ADAM10: variants seen among roughly 807,000 people sequenced by gnomAD.
The protein encoded by ADAM10 is ADAM metallopeptidase domain 10.
A neutral mutation model predicts 90.1 loss-of-function variants in ADAM10; 17 were observed. That is an observed-to-expected ratio of 0.19 (90% CI 0.13 to 0.28). The LOEUF (loss-of-function observed/expected upper bound fraction) is 0.28, where lower values mean the gene tolerates loss of function less well. ADAM10 is among the 10% of genes least tolerant of loss of function. ADAM10 has a pLI of 1.00. For synonymous variants in ADAM10, 310 were observed against 298.6 expected, an observed-to-expected ratio of 1.04 and a Z score of -0.40; for missense variants, 610 against 914.3, an observed-to-expected ratio of 0.67 and a Z score of 4.29.
intron 1 of ADAM10, among the ~76,000 whole-genome samples, chr15:58,739,669 G>A (rs191985112): frequency 1.6e-4 from 24 of 152,206 alleles, no homozygotes; most frequent in African/African-American, 5.5e-4. Flanking sequence ...TGTCCTCTCC[G>A]TTATGCTAGA....
chr15:58,727,492 G>C (rs1352692506), intron 1 of ADAM10, among the ~76,000 whole-genome samples: 1 of 151,994 alleles, frequency 6.6e-6, no homozygotes, highest in African/African-American at 2.4e-5. Flanking sequence ...CGCCCAGCCT[G>C]GCTAATCTTT....
chr15:58,643,972 T>C lies in ADAM10; in HGVS notation c.742A>G (p.Ser248Gly), dbSNP rs763409551. 8 of 1,602,768 alleles carry C rather than the reference T, an allele frequency of 5.0e-6. No individual in the cohort carries two copies. Among genetic ancestry groups the C allele is most frequent in the Non-Finnish European group, 6.8e-6 (8 of 1,169,732 alleles). ...TREAVIAQIS[S>G]HVKAIDTIYQ... ...ATTGTATCAATCGCTTTAACATGACTGGATATCTATGATTTAAAAAAAAGA... is the reference window on the plus strand; with the variant it reads ...ATTGTATCAATCGCTTTAACATGACCGGATATCTATGATTTAAAAAAAAGA... Residue 248 changes from serine to glycine, a missense_variant, in exon 7 of 16, where the codon AGT becomes GGT. Around this residue, in one of 4 missense-constraint regions of ADAM10, gnomAD observed 310 missense variants for 362.4 expected, o/e 0.86. Coordinates refer to ENST00000260408, the MANE Select transcript of ADAM10 (RefSeq NM_001110.4).
intron 1 of ADAM10, among the ~76,000 whole-genome samples, chr15:58,736,569 T>C (rs1034484838): frequency 2.0e-5 from 3 of 152,100 alleles, no homozygotes; most frequent in Admixed American, 6.6e-5. Context: ...TACTGAAGTA[T>C]TTAGAGTACA....
rs1566982335 is a variant in ADAM10, at chr15:58,655,710, A to ATATATAGTGTGT, written c.585+9386_585+9387insACACACTATATA. ...TATTATATATAGTATATATATATATAGTATATATATATATATATATATATA... is the reference window on the plus strand; with the variant it reads ...TATTATATATAGTATATATATATATATATATAGTGTGTGTATATATATATATATATATATATA... On this transcript the variant is annotated intron_variant, in intron 5 of 15. Coordinates refer to ENST00000260408, the MANE Select transcript of ADAM10 (RefSeq NM_001110.4). Among the ~76,000 whole-genome samples the ATATATAGTGTGT allele has an allele frequency of 3.2e-4, 14 of 44,204 alleles. 2 individuals are homozygous for ATATATAGTGTGT. Among genetic ancestry groups the ATATATAGTGTGT allele is most frequent in the Admixed American group, 1.7e-3 (5 of 3,026 alleles). The allele number at this position is 44,204 out of a possible 152,430, so 29.0% of individuals were successfully genotyped here. A position where few individuals can be genotyped will look rare whatever the true frequency, so the allele number is the denominator to read the frequency against.
chr15:58,599,529 T>A lies in ADAM10; in HGVS notation c.2152+69A>T. The A allele has an allele frequency of 2.6e-6, 4 of 1,540,742 alleles. No homozygotes were observed. The South Asian group carries it at 4.5e-5, about 17-fold the overall frequency. On this transcript the variant is annotated intron_variant, in intron 15 of 15. Transcript: ENST00000260408. ...TAACATTAGTTACTACAGACTCATT[T>A]ATAATTCAATTCTACCTGCTAAACA...
chr15:58,610,253 T>G, intron 14 of ADAM10, 44 bp downstream of exon 14: 1 of 1,562,792 alleles, frequency 6.4e-7, no homozygotes, highest in Middle Eastern at 1.7e-4. Context: ...AAAATTAAGA[T>G]CAAACCACTT....
intron 11 of ADAM10, among the ~76,000 whole-genome samples, chr15:58,620,701 G>A (rs1242186762): frequency 3.0e-5 from 1 of 33,140 alleles, no homozygotes; most frequent in Non-Finnish European, 4.0e-5. Flanking sequence ...TCGCTCTGTC[G>A]CCCAGGCCGG....
At chr15:58,743,039 C>A (rs1479320336) in intron 1 of ADAM10, among the ~76,000 whole-genome samples, 11 of 152,072 alleles carry the variant, frequency 7.2e-5, no homozygotes, top group African/African-American at 2.4e-4. Flanking sequence ...ACCTGGGCAA[C>A]AGAAAGAGAC....
chr15:58,598,586 C>A (rs1187702220), intron 15 of ADAM10, among the ~76,000 whole-genome samples: 1 of 152,200 alleles, frequency 6.6e-6, no homozygotes, highest in East Asian at 1.9e-4. Context: ...TTGCCTGAGG[C>A]AAGACATCTT....
At chr15:58,721,153 G>A (rs1291094227) in intron 1 of ADAM10, among the ~76,000 whole-genome samples, 1 of 152,192 alleles carries the variant, frequency 6.6e-6, no homozygotes, top group Non-Finnish European at 1.5e-5. Context: ...TCTACTGGGA[G>A]AGTTATTAAA....
At chr15:58,654,949 G>GA (rs1187414195) in intron 5 of ADAM10, among the ~76,000 whole-genome samples, 1 of 152,086 alleles carries the variant, frequency 6.6e-6, no homozygotes, top group African/African-American at 2.4e-5. Context: ...GTGCTGAGGA[G>GA]AAAAAAATGT....
intron 5 of ADAM10, among the ~76,000 whole-genome samples, chr15:58,649,243 CA>C (rs1185888168): frequency 6.6e-6 from 1 of 152,090 alleles, no homozygotes; most frequent in Non-Finnish European, 1.5e-5. Flanking sequence ...TTACCAAAAT[CA>C]AATATAAATT....
At chr15:58,618,828 A>G (rs1385406794) in intron 11 of ADAM10, among the ~76,000 whole-genome samples, 1 of 152,206 alleles carries the variant, frequency 6.6e-6, no homozygotes, top group Non-Finnish European at 1.5e-5. Flanking sequence ...AAAAATGACC[A>G]TTATCAAAAT....
intron 5 of ADAM10, among the ~76,000 whole-genome samples, chr15:58,651,266 C>A (rs985267502): frequency 1.3e-5 from 2 of 152,118 alleles, no homozygotes; most frequent in African/African-American, 4.8e-5. Context: ...TACAATTACA[C>A]TCTTTTAGTT....
intron 11 of ADAM10, among the ~76,000 whole-genome samples, chr15:58,615,704 T>G (rs1895588491): frequency 6.6e-6 from 1 of 152,138 alleles, no homozygotes; most frequent in Non-Finnish European, 1.5e-5. Context: ...AAACAGATTT[T>G]AAGTCAAAAA....
chr15:58,639,075 G>A (rs1049073196), intron 8 of ADAM10, among the ~76,000 whole-genome samples: 17 of 147,842 alleles, frequency 1.1e-4, no homozygotes, highest in African/African-American at 4.2e-4. Context: ...AATGCAAAAT[G>A]GCAGAAAGTT....
chr15:58,599,682 T>G lies in ADAM10; in HGVS notation c.2068A>C (p.Met690Leu), dbSNP rs1275717638. Residue 690 changes from methionine (M) to leucine (L), a missense_variant, in exon 15 of 16, where the codon ATG becomes CTG. By Grantham distance (15) the Met-to-Leu change is conservative (BLOSUM62 2). Coordinates refer to ENST00000260408, the MANE Select transcript of ADAM10 (RefSeq NM_001110.4). ...ATCTTAATAAATCCAGCCATTAGCA[T>G]GATCAGAGCAATTCCCATAAGTAAT... ...AVLLMGIALI[M>L]LMAGFIKICS... The G allele has an allele frequency of 3.7e-6, 6 of 1,613,306 alleles. No homozygotes were observed. The highest frequency in any genetic ancestry group is 1.7e-5 in the Admixed American group (1 of 59,966).
chr15:58,747,144 C>G (rs1899818063), intron 1 of ADAM10, among the ~76,000 whole-genome samples: 1 of 152,190 alleles, frequency 6.6e-6, no homozygotes, highest in Admixed American at 6.5e-5. Flanking sequence ...TGCTCTCAAA[C>G]ACACCAGTTA....
At chr15:58,647,246 G>GTTTTTTTTTTTTTTTTTTTTTTTTT (rs1323960397) in intron 5 of ADAM10, among the ~76,000 whole-genome samples, 5 of 36,824 alleles carry the variant, frequency 1.4e-4, no homozygotes, top group African/African-American at 2.9e-4. Flanking sequence ...TAGACACTAA[G>GTTTTTTTTTTTTTTTTTTTTTTTTT]TATTTTTTTT....
Sources: gnomAD v4.1 joint callset for allele counts (sites outside exome capture counted in the v4.1 genomes callset) on GRCh38, gnomAD v4.1.1 for gene constraint, gnomAD v4.1.1 regional missense constraint, MANE v1.5 for transcripts, NCBI Gene and HGNC (gene_info 2026-07-23, HGNC 2026-07-21) for gene names.